Variants in USP43 observed in about 807,000 individuals in gnomAD.
USP43 encodes the protein ubiquitin specific peptidase 43.
Under a neutral mutation model 90.7 loss-of-function variants are expected in USP43, and 33 were observed. That is an observed-to-expected ratio of 0.36 (90% CI 0.28 to 0.49). The LOEUF is 0.49. Among genes scored for constraint, USP43 ranks in the 20% least tolerant of loss-of-function variants. The pLI, the probability that USP43 is intolerant of heterozygous loss-of-function variation, is 0.98. For missense variants in USP43, 1,274 were observed against 1,476.4 expected (o/e 0.86, Z 2.25); for synonymous variants, 598 against 615.8 (o/e 0.97, Z 0.43).
At chr17:9,667,789 T>C (rs1913139936) in intron 3 of USP43, among the ~76,000 whole-genome samples, 1 of 152,178 alleles carries the variant, frequency 6.6e-6, no homozygotes, top group Non-Finnish European at 1.5e-5. Context: ...TGTGTGTGCA[T>C]GTGTGCGTGC....
At chr17:9,727,173 T>A (rs745868693) in intron 14 of USP43, among the ~76,000 whole-genome samples, 1 of 152,190 alleles carries the variant, frequency 6.6e-6, no homozygotes, top group Admixed American at 6.5e-5. Flanking sequence ...GGTTTCACCA[T>A]GTTGGTCAGG....
chr17:9,665,045 G>T lies in USP43; in HGVS notation c.637-1603G>T, dbSNP rs140610995. Among the ~76,000 whole-genome samples the T allele has an allele frequency of 2.8e-3, 419 of 152,270 alleles. 1 individual carries two copies. Among genetic ancestry groups the T allele is most frequent in the Admixed American group, 6.0e-3 (92 of 15,290 alleles). On this transcript the variant is annotated intron_variant, in intron 2 of 14. Transcript: ENST00000285199. ...GACCTCTTCCAGGGCAGAAATTTTG[G>T]CATAACAGGGCCTTAATCAAAATAT...
Position 9,682,815 on chromosome 17 carries a change from C to A in USP43, c.1106-8C>A. 12 of 1,613,320 alleles carry A rather than the reference C, an allele frequency of 7.4e-6. No individual in the cohort carries two copies. Among genetic ancestry groups the A allele is most frequent in the Non-Finnish European group, 1.0e-5 (12 of 1,179,470 alleles). On this transcript the variant is annotated splice_region_variant and splice_polypyrimidine_tract_variant and intron_variant, in intron 6 of 14. Transcript: ENST00000285199. The stretch of plus-strand genomic sequence containing the variant: ...GAATATGAACAAATGTCATTCTCTC[C>A]CTTCTAGCTCATCCACTGGGTCTGT...
chr17:9,726,075 T>G (rs373319621), intron 14 of USP43, among the ~76,000 whole-genome samples: 36 of 152,312 alleles, frequency 2.4e-4, no homozygotes, highest in African/African-American at 8.7e-4. Context: ...TCAAACATTC[T>G]TTATGAGAAA....
chr17:9,686,956 T>C lies in USP43; in HGVS notation c.1353+47T>C. 2.0e-6 allele frequency: 3 copies of C among 1,493,350 alleles called. No homozygotes were observed. Among genetic ancestry groups the C allele is most frequent in the Non-Finnish European group, 2.8e-6 (3 of 1,078,880 alleles). 92.5% of individuals were successfully genotyped at this position (1,493,350 alleles called of 1,614,324 possible). On this transcript the variant is annotated intron_variant, in intron 8 of 14. Coordinates refer to ENST00000285199, the MANE Select transcript of USP43 (RefSeq NM_153210.5). This position sits in a 1 kb window ranked among gnomAD's most constrained non-coding sequence, Gnocchi z 5.5. ...GTGTGTGTGTGCGTGCATGCGCATG[T>C]GCATGCGTGTGTGTGGGTGTGTGTA...
intron 5 of USP43, among the ~76,000 whole-genome samples, chr17:9,679,193 T>C (rs1025935965): frequency 2.0e-5 from 3 of 152,176 alleles, no homozygotes; most frequent in Non-Finnish European, 2.9e-5. Context: ...CTGAAATCTA[T>C]GTATTTATGA....
chr17:9,700,402 A>G (rs1047147448), intron 10 of USP43, among the ~76,000 whole-genome samples, 153 bp downstream of exon 10: 4 of 152,106 alleles, frequency 2.6e-5, no homozygotes, highest in African/African-American at 9.7e-5. Flanking sequence ...CCTGAGTGAG[A>G]ATTTTCTGTA....
Position 9,728,302 on chromosome 17 carries a change from C to A in USP43, c.2684C>A (p.Ala895Asp). ...CCAGCCGGGGTGCCCTGTCCCTCGGCTCAACCCAACCACTGTCTGGCCCCT... is the reference window on the plus strand; with the variant it reads ...CCAGCCGGGGTGCCCTGTCCCTCGGATCAACCCAACCACTGTCTGGCCCCT... ...RGPAGVPCPS[A>D]QPNHCLAPGN... Residue 895 changes from alanine to aspartate, a missense_variant, in exon 15 of 15, where the codon GCT (alanine) becomes GAT (aspartate). Around this residue, in one of 6 missense-constraint regions of USP43, gnomAD observed 353 missense variants for 329.7 expected, o/e 1.07. Transcript: ENST00000285199. This position sits in a 1 kb window ranked among gnomAD's most constrained non-coding sequence, Gnocchi z 6.2. The A allele has an allele frequency of 6.2e-7, 1 of 1,612,922 alleles. No individual in the cohort carries two copies. The highest frequency in any genetic ancestry group is 8.5e-7 in the Non-Finnish European group (1 of 1,179,494).
At chr17:9,667,777 TGTGTGTGTGCATGTGTGCGTGCAC>T (rs1301909269) in intron 3 of USP43, among the ~76,000 whole-genome samples, 2 of 152,154 alleles carry the variant, frequency 1.3e-5, no homozygotes, top group African/African-American at 4.8e-5. Context: ...TGTGTGTATA[TGTGTGTGTGCATGTGTGCGTGCAC>T]GTGTGCGCGT....
rs903341944 is a variant in USP43, at chr17:9,701,140, G to A, written c.1557G>A (p.Glu519=). 4.0e-6 allele frequency: 6 copies of A among 1,488,644 alleles called. No homozygotes were observed. Among genetic ancestry groups the A allele is most frequent in the Non-Finnish European group, 3.6e-6 (4 of 1,115,994 alleles). The allele number at this position is 1,488,644 out of a possible 1,614,324, so 92.2% of individuals were successfully genotyped here. Residue 519 remains glutamate, a synonymous_variant, in exon 11 of 15, where the codon GAG becomes GAA. Transcript: ENST00000285199. The surrounding 1 kb of genome is among the most constrained non-coding windows in gnomAD (Gnocchi z 7.2). ...GCAGCCTGTTCGGGAGCCTCCAGGA[G>A]GAGCGAGCGCAGGATGCCGACAGTG... The part of the protein sequence containing the change: ...VKERLFGSLQ[E]ERAQDADSVW...
intron 1 of USP43, chr17:9,647,490 A>G (rs1597805695): frequency 6.6e-6 from 1 of 152,180 alleles, no homozygotes; most frequent in South Asian, 2.1e-4. Flanking sequence ...ATATAGAACC[A>G]TAATGGTACT....
upstream of USP43, chr17:9,645,443 G>T: frequency 2.6e-6 from 1 of 390,148 alleles, no homozygotes; most frequent in Non-Finnish European, 4.0e-6. The surrounding 1 kb of genome is among the most constrained non-coding windows in gnomAD (Gnocchi z 6.8). Context: ...CCTGGAGGGG[G>T]CTGGTCGTGC....
chr17:9,716,649 T>C (rs1242474814), intron 14 of USP43, among the ~76,000 whole-genome samples: 4 of 152,164 alleles, frequency 2.6e-5, no homozygotes, highest in Admixed American at 6.6e-5. Flanking sequence ...GGCTGGAATC[T>C]GTTGTGGAGG....
intron 14 of USP43, among the ~76,000 whole-genome samples, chr17:9,720,365 C>CT (rs375103424): frequency 0.037 from 5,013 of 134,126 alleles, 190 homozygotes; most frequent in African/African-American, 0.1. Flanking sequence ...AAAAATCCAG[C>CT]TTTTTTTTTT....
chr17:9,692,772 A>C lies in USP43; in HGVS notation c.1354-355A>C, dbSNP rs1345209254. On this transcript the variant is annotated intron_variant, in intron 8 of 14. Coordinates refer to ENST00000285199, the MANE Select transcript of USP43 (RefSeq NM_153210.5). The stretch of plus-strand genomic sequence containing the variant: ...TGTGGGGATGATAATCATCTTAATA[A>C]AGTAGGTTAAGTTACCTATTAAAAA... 2.0e-5 allele frequency among the ~76,000 whole-genome samples: 3 copies of C among 152,322 alleles called. No homozygotes were observed. The East Asian group carries it at 5.8e-4, about 29-fold the overall frequency.
intron 14 of USP43, among the ~76,000 whole-genome samples, chr17:9,720,772 G>A (rs1471654626): frequency 6.6e-6 from 1 of 152,090 alleles, no homozygotes; most frequent in Non-Finnish European, 1.5e-5. Context: ...ACAGGTGTGA[G>A]CCACCACGCC....
In USP43 at chr17:9,718,064, G is replaced by A. The variant is rs370862618; in HGVS notation, c.2335+5932G>A. ...GCCCACCTCGGCCTCCCAAAGTGCT[G>A]GGATTACAGGTGTGAGCCACCGCGC... On this transcript the variant is annotated intron_variant, in intron 14 of 14. Coordinates refer to ENST00000285199, the MANE Select transcript of USP43 (RefSeq NM_153210.5). 9.7e-4 allele frequency among the ~76,000 whole-genome samples: 147 copies of A among 152,164 alleles called. No individual in the cohort carries two copies. In the South Asian group the frequency reaches 0.03, roughly 31 times the overall value.
chr17:9,701,607 G>A lies in USP43; in HGVS notation c.1918G>A (p.Asp640Asn), dbSNP rs1209845365. 2 of 1,583,314 alleles carry A rather than the reference G, an allele frequency of 1.3e-6. No homozygotes were observed. The highest frequency in any genetic ancestry group is 2.3e-5 in the South Asian group (2 of 86,200). ...CCCCTGGCCTTCCTGGAAGCAGCCG[G>A]ACTGCCTGCCCACCAGTTACCCGCT... The part of the protein sequence containing the change: ...LGPWPSWKQP[D>N]CLPTSYPLDF... The change falls in exon 12 of 15, where the codon GAC (aspartate) becomes AAC (asparagine). Residue 640 changes from aspartate (D) to asparagine (N), a missense_variant. By Grantham distance (23) the Asp-to-Asn change is conservative (BLOSUM62 1). Coordinates refer to ENST00000285199, the MANE Select transcript of USP43 (RefSeq NM_153210.5). The surrounding 1 kb of genome is among the most constrained non-coding windows in gnomAD (Gnocchi z 7.2).
At chr17:9,722,405 C>T (rs371110362) in intron 14 of USP43, among the ~76,000 whole-genome samples, 120 of 152,144 alleles carry the variant, frequency 7.9e-4, no homozygotes, top group African/African-American at 2.4e-3. Flanking sequence ...ATTCAGAGGC[C>T]GTCTTATAAT....
Sources: gnomAD v4.1 joint callset for allele counts (sites outside exome capture counted in the v4.1 genomes callset) on GRCh38, gnomAD v4.1.1 for gene constraint, gnomAD v4.1.1 regional missense constraint, Gnocchi (gnomAD v3.1) non-coding constraint, MANE v1.5 for transcripts, NCBI Gene and HGNC (gene_info 2026-07-23, HGNC 2026-07-21) for gene names.